The following STAMBP variants were observed in gnomAD, a reference collection of about 807,000 sequenced individuals.
The protein encoded by STAMBP is STAM binding protein.
Under a neutral mutation model 50.7 loss-of-function variants are expected in STAMBP, and 31 were observed. That is an observed-to-expected ratio of 0.61 (90% CI 0.46 to 0.83). STAMBP has a LOEUF of 0.83. STAMBP is among the 40% of genes least tolerant of loss of function. STAMBP has a pLI of 0.00. For missense variants in STAMBP, 472 were observed against 518.9 expected (o/e 0.91, Z 0.88); for synonymous variants, 211 against 192.4 (o/e 1.10, Z -0.80).
At chr2:73,841,641 GTTC>G (rs1364252938) in intron 2 of STAMBP, among the ~76,000 whole-genome samples, 8 of 152,322 alleles carry the variant, frequency 5.3e-5, no homozygotes, top group Non-Finnish European at 8.8e-5. Flanking sequence ...GCCCAAGACA[GTTC>G]TTCTTCCAGT....
intron 2 of STAMBP, among the ~76,000 whole-genome samples, chr2:73,839,635 C>T (rs1488041403): frequency 6.6e-6 from 1 of 152,106 alleles, no homozygotes; most frequent in East Asian, 1.9e-4. Context: ...TGTTTTCATA[C>T]AAAATTAACA....
intron 5 of STAMBP, 37 bp from the exon 6 acceptor site, chr2:73,849,326 T>A: frequency 1.2e-6 from 2 of 1,612,108 alleles, no homozygotes; most frequent in South Asian, 1.1e-5. Context: ...GAGGCAGGGC[T>A]CAGTGGTCGC....
At chr2:73,870,560 G>T (rs1679161889), downstream of STAMBP, among the ~76,000 whole-genome samples, 1 of 152,108 alleles carries the variant, frequency 6.6e-6, no homozygotes. Context: ...TTCTGGACTT[G>T]CGTTAGAATG....
chr2:73,838,451 C>T (rs1019866087), intron 2 of STAMBP, among the ~76,000 whole-genome samples: 3 of 151,992 alleles, frequency 2.0e-5, no homozygotes, highest in African/African-American at 2.4e-5. Context: ...GGACAAGGAG[C>T]GTGTGAACAT....
rs1674422948 is a variant in STAMBP at position 73,834,239 on chromosome 2, ATATATATATATATATATAT to A, written c.203+3181_203+3199del. ...AAAAAAAAAAAAAAAAAAAAAAAAT[ATATATATATATATATATAT>A]ATATATATATATATATATATATATA... On this transcript the variant is annotated intron_variant, in intron 2 of 9. Transcript: ENST00000394070. 2.2e-3 allele frequency among the ~76,000 whole-genome samples: 34 copies of A among 15,580 alleles called. 1 individual carries two copies. Among genetic ancestry groups the A allele is most frequent in the South Asian group, 4.2e-3 (1 of 238 alleles). 10.2% of individuals were successfully genotyped at this position (15,580 alleles called of 152,430 possible).
At chr2:73,835,767 G>A (rs969112345) in intron 2 of STAMBP, among the ~76,000 whole-genome samples, 3 of 152,144 alleles carry the variant, frequency 2.0e-5, no homozygotes, top group African/African-American at 7.2e-5. Context: ...CTCTAAAGAG[G>A]GCTGGGTAGC....
At chr2:73,840,766 C>CA (rs564265475) in intron 2 of STAMBP, among the ~76,000 whole-genome samples, 40 of 146,740 alleles carry the variant, frequency 2.7e-4, no homozygotes, top group African/African-American at 5.0e-4. Flanking sequence ...ATAAATAAAT[C>CA]AAAAAAAAAA....
intron 2 of STAMBP, among the ~76,000 whole-genome samples, chr2:73,832,108 T>TATATATATATATATACACAC (rs1006072205): frequency 1.4e-3 from 176 of 122,820 alleles, no homozygotes; most frequent in African/African-American, 5.5e-3. Context: ...TATATATATA[T>TATATATATATATATACACAC]ACACATATAT....
At chr2:73,857,214 C>G (rs971654007) in intron 7 of STAMBP, among the ~76,000 whole-genome samples, 5 of 152,108 alleles carry the variant, frequency 3.3e-5, no homozygotes, top group African/African-American at 1.2e-4. Context: ...CTCTCCATAC[C>G]CTACCTGTTT....
intron 2 of STAMBP, among the ~76,000 whole-genome samples, chr2:73,831,554 A>G (rs536223057): frequency 2.6e-5 from 4 of 152,182 alleles, no homozygotes; most frequent in Admixed American, 6.5e-5. Context: ...TCATCATAAT[A>G]AGACCTTTCC....
chr2:73,854,903 C>T (rs1479103933), intron 7 of STAMBP, among the ~76,000 whole-genome samples: 6 of 152,122 alleles, frequency 3.9e-5, no homozygotes, highest in Non-Finnish European at 8.8e-5. Flanking sequence ...GCAGGAAGAT[C>T]GCTTGAGACT....
chr2:73,860,056 G>A lies in STAMBP; in HGVS notation c.1123G>A (p.Gly375Arg), dbSNP rs777100803. Reference sequence around the variant, plus strand: ...CCTGCCTTTTTTAAATTTCAGAACTGGATTCTTTAAACTAACTGACCATGG... The same window carrying A: ...CCTGCCTTTTTTAAATTTCAGAACTAGATTCTTTAAACTAACTGACCATGG... Reference protein sequence around the residue: ...IVCSPKFQETGFFKLTDHGLE... With the variant: ...IVCSPKFQETRFFKLTDHGLE... The change falls in exon 9 of 10, where the codon GGA becomes AGA. Residue 375 changes from glycine (G) to arginine (R), a missense_variant. Physicochemically the swap from Gly to Arg is moderately radical, Grantham distance 125. Transcript: ENST00000394070. The A allele has an allele frequency of 6.2e-7, 1 of 1,608,822 alleles. No homozygotes were observed. Among genetic ancestry groups the A allele is most frequent in the Non-Finnish European group, 8.5e-7 (1 of 1,179,634 alleles).
chr2:73,872,950 A>T (rs1679257652), intron 10 of STAMBP, among the ~76,000 whole-genome samples: 1 of 152,244 alleles, frequency 6.6e-6, no homozygotes, highest in African/African-American at 2.4e-5. Flanking sequence ...ATGATGTAAT[A>T]AATAATTTGC....
chr2:73,849,526 A>T (rs752086024), intron 6 of STAMBP, 39 bp downstream of exon 6: 12 of 1,553,268 alleles, frequency 7.7e-6, no homozygotes, highest in Non-Finnish European at 1.0e-5. Context: ...CTCTGAACCG[A>T]AACTGTTTCT....
At chr2:73,844,721 TA>T in intron 2 of STAMBP, 91 bp from the exon 3 acceptor site, 1 of 1,057,868 alleles carries the variant, frequency 9.5e-7, no homozygotes, top group Non-Finnish European at 1.4e-6. Flanking sequence ...ACCTTTCATA[TA>T]AGGGCTTCAG....
At chr2:73,844,043 ACTTT>A (rs1226784794) in intron 2 of STAMBP, among the ~76,000 whole-genome samples, 2 of 152,184 alleles carry the variant, frequency 1.3e-5, no homozygotes, top group Non-Finnish European at 2.9e-5. Flanking sequence ...TGAATCTGCC[ACTTT>A]CTTTCTGTGA....
In STAMBP at chr2:73,830,836, C is replaced by A; in HGVS notation, c.-12-9C>A. The A allele has an allele frequency of 6.2e-7, 1 of 1,609,354 alleles. No individual in the cohort carries two copies. Among genetic ancestry groups the A allele is most frequent in the South Asian group, 1.1e-5 (1 of 90,644 alleles). Reference sequence around the variant, plus strand: ...ACGGTATTGATGCCATCTGTTTTTTCTGTCTCAGAACTTGGTCCTGATGTC... The same window carrying A: ...ACGGTATTGATGCCATCTGTTTTTTATGTCTCAGAACTTGGTCCTGATGTC... On this transcript the variant is annotated splice_polypyrimidine_tract_variant and intron_variant, in intron 1 of 9. Transcript: ENST00000394070.
rs371526871 is a variant in STAMBP, at chr2:73,859,225, G to A, written c.1006-29G>A. On this transcript the variant is annotated intron_variant, in intron 7 of 9. Coordinates refer to ENST00000394070, the MANE Select transcript of STAMBP (RefSeq NM_213622.4). ...AGGGATTACCATATATCCTCGCTAA[G>A]AGTCCTCTGACTCTTTTTCTCTCCT... 138 of 1,581,390 alleles carry A rather than the reference G, an allele frequency of 8.7e-5. No homozygotes were observed. The African/African-American group carries it at 1.7e-3, about 20-fold the overall frequency.
At chr2:73,854,707 G>A (rs1190874537) in intron 7 of STAMBP, among the ~76,000 whole-genome samples, 1 of 152,230 alleles carries the variant, frequency 6.6e-6, no homozygotes, top group East Asian at 1.9e-4. Context: ...AAACAAACAG[G>A]CTGAGTATGG....
Sources: gnomAD v4.1 joint callset for allele counts (sites outside exome capture counted in the v4.1 genomes callset) on GRCh38, gnomAD v4.1.1 for gene constraint, MANE v1.5 for transcripts, NCBI Gene and HGNC (gene_info 2026-07-23, HGNC 2026-07-21) for gene names.